The following PPARGC1A variants were observed in gnomAD, a reference collection of about 807,000 sequenced individuals.
The protein encoded by PPARGC1A is PPARG coactivator 1 alpha.
PPARGC1A carries 25 observed loss-of-function variants against 88.7 expected under a neutral mutation model. The ratio of observed to expected loss-of-function variants is 0.28; its 90% CI spans 0.21 to 0.39. PPARGC1A has a LOEUF of 0.39. Ranked by LOEUF, PPARGC1A falls within the 10% of genes least tolerant of loss-of-function variation. The pLI is 1.00. For missense variants in PPARGC1A, 880 were observed against 968.7 expected (o/e 0.91, Z 1.22); for synonymous variants, 363 against 355.6 (o/e 1.02, Z -0.24).
chr4:23,812,727 G>T lies in PPARGC1A; in HGVS notation c.2019+20C>A, dbSNP rs1465554899. On this transcript the variant is annotated intron_variant, in intron 10 of 12. Transcript: ENST00000264867. ...GAAGAAACCCTACTTTAAAATAAAA[G>T]TGAGCTCCAGGCCACTTACAATTGC... 4 of 1,612,292 alleles carry T rather than the reference G, an allele frequency of 2.5e-6. No individual in the cohort carries two copies. The highest frequency in any genetic ancestry group is 3.4e-6 in the Non-Finnish European group (4 of 1,179,564).
chr4:23,858,213 G>A (rs12645360), intron 2 of PPARGC1A, among the ~76,000 whole-genome samples: 53,718 of 151,684 alleles, frequency 0.35, 9,711 homozygotes, highest in Middle Eastern at 0.43. Flanking sequence ...GCACTATACA[G>A]GACATTTTCA....
the PPARGC1A span, among the ~76,000 whole-genome samples, chr4:24,275,754 T>G: frequency 3.9e-5 from 6 of 152,200 alleles, no homozygotes; most frequent in African/African-American, 1.2e-4. Flanking sequence ...ATCAACAGTC[T>G]TTAACAACTC....
At chr4:24,414,191 TTA>T in the PPARGC1A span, among the ~76,000 whole-genome samples, 2 of 152,190 alleles carry the variant, frequency 1.3e-5, no homozygotes, top group East Asian at 3.9e-4. Flanking sequence ...ATGATATTAT[TTA>T]TAAACATAGC....
chr4:23,901,754 C>T (rs1308271650), upstream of PPARGC1A, among the ~76,000 whole-genome samples: 1 of 152,154 alleles, frequency 6.6e-6, no homozygotes, highest in East Asian at 1.9e-4. Context: ...CATTGTACCA[C>T]CAGTGGGCTA....
At chr4:24,013,832 C>G in the PPARGC1A span, among the ~76,000 whole-genome samples, 2 of 152,118 alleles carry the variant, frequency 1.3e-5, no homozygotes, top group African/African-American at 4.8e-5. Flanking sequence ...GCTAGGGTGC[C>G]AAGAATTAAT....
At chr4:24,219,972 T>A in the PPARGC1A span, among the ~76,000 whole-genome samples, 5 of 152,070 alleles carry the variant, frequency 3.3e-5, no homozygotes, top group Non-Finnish European at 4.4e-5. Flanking sequence ...TAGGAATAAG[T>A]CAATTCATTT....
chr4:23,882,190 T>A (rs1006979584), intron 2 of PPARGC1A: 1 of 152,170 alleles, frequency 6.6e-6, no homozygotes, highest in African/African-American at 2.4e-5. Context: ...AAAACTGTTA[T>A]GGGAACTTAC....
the PPARGC1A span, among the ~76,000 whole-genome samples, chr4:24,109,034 C>T: frequency 8.5e-4 from 124 of 146,438 alleles, 2 homozygotes; most frequent in East Asian, 0.023. Context: ...CACACACACA[C>T]ACCACACACA....
the PPARGC1A span, among the ~76,000 whole-genome samples, chr4:24,033,747 T>C: frequency 1.3e-5 from 2 of 152,208 alleles, no homozygotes; most frequent in African/African-American, 4.8e-5. Context: ...AAAGCAGTTA[T>C]TCCTGTCTCA....
At chr4:24,215,990 T>G in the PPARGC1A span, among the ~76,000 whole-genome samples, 2 of 152,126 alleles carry the variant, frequency 1.3e-5, no homozygotes, top group Non-Finnish European at 2.9e-5. Flanking sequence ...TTTGACTTTT[T>G]TTCATCTGCT....
chr4:24,119,296 G>T, the PPARGC1A span, among the ~76,000 whole-genome samples: 2 of 152,130 alleles, frequency 1.3e-5, no homozygotes, highest in African/African-American at 2.4e-5. Context: ...GATCCCTTTG[G>T]CTCTCAATGC....
Position 23,829,517 on chromosome 4 carries a change from G to A in PPARGC1A, c.498C>T (p.Thr166=). Reference sequence around the variant, plus strand: ...TGTGATTGTGATTTGCATGGTTCTGGGTACTGAGACCACTGCATTCATTAT... The same window carrying A: ...TGTGATTGTGATTTGCATGGTTCTGAGTACTGAGACCACTGCATTCATTAT... ...LSYNECSGLS[T]QNHANHNHRI... Residue 166 remains threonine, a synonymous_variant, in exon 4 of 13, where the codon ACC becomes ACT. Coordinates refer to ENST00000264867, the MANE Select transcript of PPARGC1A (RefSeq NM_013261.5). 3 of 1,613,546 alleles carry A rather than the reference G, an allele frequency of 1.9e-6. No individual in the cohort carries two copies. Among genetic ancestry groups the A allele is most frequent in the Middle Eastern group, 3.3e-4 (2 of 6,062 alleles).
At chr4:24,093,533 A>G in the PPARGC1A span, among the ~76,000 whole-genome samples, 4 of 152,056 alleles carry the variant, frequency 2.6e-5, no homozygotes, top group East Asian at 1.9e-4. Flanking sequence ...GGTTCTTCTG[A>G]GGTGTAAGAG....
At chr4:23,975,907 A>G in the PPARGC1A span, among the ~76,000 whole-genome samples, 1 of 152,252 alleles carries the variant, frequency 6.6e-6, no homozygotes, top group Non-Finnish European at 1.5e-5. Flanking sequence ...CAGCATCTGC[A>G]GTACACAAAT....
chr4:23,841,088 C>T (rs76568879), intron 2 of PPARGC1A, among the ~76,000 whole-genome samples: 207 of 152,120 alleles, frequency 1.4e-3, no homozygotes, highest in African/African-American at 4.7e-3. Context: ...GTCTTGAAAA[C>T]GCAGAAATTT....
the PPARGC1A span, among the ~76,000 whole-genome samples, chr4:24,021,094 G>GT: frequency 6.6e-6 from 1 of 152,174 alleles, no homozygotes; most frequent in Non-Finnish European, 1.5e-5. Flanking sequence ...AAAATGTGTT[G>GT]GCCTTGAAGC....
chr4:24,004,077 CTCTGA>C, the PPARGC1A span, among the ~76,000 whole-genome samples: 1 of 152,130 alleles, frequency 6.6e-6, no homozygotes, highest in South Asian at 2.1e-4. Context: ...AGCAATAGAT[CTCTGA>C]AACAGAGGCA....
At chr4:24,177,159 C>T in the PPARGC1A span, among the ~76,000 whole-genome samples, 6 of 152,160 alleles carry the variant, frequency 3.9e-5, no homozygotes, top group Non-Finnish European at 5.9e-5. Context: ...TATAAAGACA[C>T]ATGCACACAT....
the PPARGC1A span, among the ~76,000 whole-genome samples, chr4:23,919,830 A>G: frequency 0.69 from 104,270 of 152,060 alleles, 37,078 homozygotes; most frequent in African/African-American, 0.87. Flanking sequence ...GAGAGCAGGT[A>G]GAGGACAAAG....
Sources: allele counts gnomAD v4.1 joint callset (sites outside exome capture counted in the v4.1 genomes callset), GRCh38; gene constraint gnomAD v4.1.1; transcripts MANE v1.5; gene names NCBI Gene and HGNC (gene_info 2026-07-23, HGNC 2026-07-21).